The following ERC2 variants were observed in gnomAD, a reference collection of about 807,000 sequenced individuals.
The protein encoded by ERC2 is ELKS/RAB6-interacting/CAST family member 2, also known as ERC protein 2.
ERC2 carries 42 observed loss-of-function variants against 114.8 expected under a neutral mutation model. The observed-to-expected ratio is 0.37, with a 90% CI of 0.29 to 0.47. The LOEUF (loss-of-function observed/expected upper bound fraction) is 0.47. ERC2 is among the 20% of genes least tolerant of loss of function. The pLI, the probability that ERC2 is intolerant of heterozygous loss-of-function variation, is 0.99. For missense variants in ERC2, 939 were observed against 1,150.7 expected (o/e 0.82, Z 2.66); for synonymous variants, 454 against 425.5 (o/e 1.07, Z -0.82).
intron 17 of ERC2, among the ~76,000 whole-genome samples, chr3:55,581,743 T>C (rs2057272809): frequency 1.3e-5 from 2 of 152,172 alleles, no homozygotes; most frequent in South Asian, 4.1e-4. Context: ...GAAATTTCCA[T>C]GACCTCTTCC....
intron 17 of ERC2, among the ~76,000 whole-genome samples, chr3:55,593,906 C>A (rs2058018192): frequency 6.6e-6 from 1 of 152,164 alleles, no homozygotes; most frequent in African/African-American, 2.4e-5. Flanking sequence ...TCAAGTATTC[C>A]TCGACTCTCC....
rs539359467 is a variant in ERC2, at chr3:55,639,435, C to A, written c.*39+44359G>T. On this transcript the variant is annotated intron_variant, in intron 17 of 17. Transcript: ENST00000288221. ...AGACTGGGGACCAGGACATGAGCCA[C>A]AGAGAAGCCTGGGGAGCCTACAGGA... Among the ~76,000 whole-genome samples the A allele has an allele frequency of 1.2e-4, 18 of 152,218 alleles. No individual in the cohort carries two copies. In the South Asian group the frequency reaches 3.7e-3, roughly 32 times the overall value.
At chr3:55,964,092 T>C (rs1268160393) in intron 12 of ERC2, among the ~76,000 whole-genome samples, 1 of 152,246 alleles carries the variant, frequency 6.6e-6, no homozygotes, top group Admixed American at 6.5e-5. Context: ...TTTTAAAACA[T>C]TGTTAAGTAA....
chr3:55,949,339 C>T (rs2067338210), intron 13 of ERC2, among the ~76,000 whole-genome samples: 1 of 151,834 alleles, frequency 6.6e-6, no homozygotes, highest in African/African-American at 2.4e-5. Context: ...CACTGCTCTC[C>T]AGTCTGGGCG....
chr3:55,548,545 G>C (rs1351572203), intron 17 of ERC2, among the ~76,000 whole-genome samples: 1 of 152,142 alleles, frequency 6.6e-6, no homozygotes, highest in Non-Finnish European at 1.5e-5. Flanking sequence ...AGAAAACAAG[G>C]GCAGGGAAAA....
intron 3 of ERC2, among the ~76,000 whole-genome samples, chr3:56,256,052 ATC>A (rs1325167862): frequency 1.3e-5 from 2 of 152,338 alleles, no homozygotes; most frequent in South Asian, 4.1e-4. Flanking sequence ...AAGAAAAATC[ATC>A]TCTCTTTCCA....
chr3:56,016,881 AG>A (rs890993857), intron 8 of ERC2, among the ~76,000 whole-genome samples: 17 of 152,078 alleles, frequency 1.1e-4, no homozygotes, highest in Admixed American at 6.6e-4. Flanking sequence ...CAGAGTTTAT[AG>A]GCTACTGTAA....
At chr3:56,040,799 T>G (rs905738971) in intron 7 of ERC2, among the ~76,000 whole-genome samples, 46 of 134,444 alleles carry the variant, frequency 3.4e-4, no homozygotes, top group African/African-American at 7.5e-4. Flanking sequence ...TAGATATATA[T>G]AGAGAGATAC....
At chr3:56,214,700 C>A (rs1269890082) in intron 3 of ERC2, among the ~76,000 whole-genome samples, 29 of 151,876 alleles carry the variant, frequency 1.9e-4, no homozygotes, top group Admixed American at 2.0e-4. Flanking sequence ...GTCAGATTCA[C>A]CAAAGTTGAA....
At chr3:55,537,588 A>G (rs2054081610) in intron 17 of ERC2, among the ~76,000 whole-genome samples, 1 of 152,194 alleles carries the variant, frequency 6.6e-6, no homozygotes, top group Admixed American at 6.5e-5. Context: ...TAAATTAAAA[A>G]GCTCTCCCCG....
chr3:55,918,993 A>G (rs970310749), intron 13 of ERC2, among the ~76,000 whole-genome samples: 11 of 152,232 alleles, frequency 7.2e-5, no homozygotes, highest in African/African-American at 2.6e-4. Context: ...CTCAAAGAGA[A>G]ATGCTCAAGA....
intron 17 of ERC2, among the ~76,000 whole-genome samples, chr3:55,532,793 T>C (rs2053752104): frequency 1.3e-5 from 2 of 152,214 alleles, no homozygotes; most frequent in Non-Finnish European, 2.9e-5. Context: ...TGTGCTGTGT[T>C]CTCAGTTAAT....
At chr3:56,246,374 G>C (rs2051710446) in intron 3 of ERC2, among the ~76,000 whole-genome samples, 1 of 152,108 alleles carries the variant, frequency 6.6e-6, no homozygotes, top group Non-Finnish European at 1.5e-5. Flanking sequence ...CATCCACCTT[G>C]TGACAATCAA....
rs772444408 is a variant in ERC2, at chr3:56,191,089, G to C, written c.1075-17569C>G. Among the ~76,000 whole-genome samples the C allele has an allele frequency of 7.6e-4, 115 of 152,276 alleles. 1 individual carries two copies. Among genetic ancestry groups the C allele is most frequent in the Non-Finnish European group, 3.7e-4 (25 of 68,024 alleles). ...GGTCTCTTTAGCAAAATGTAACAGA[G>C]AGGCAACCTGAGCAGAAGGGCACAG... On this transcript the variant is annotated intron_variant, in intron 3 of 17. Transcript: ENST00000288221.
chr3:55,532,038 G>A (rs538153123), intron 17 of ERC2, among the ~76,000 whole-genome samples: 5 of 152,278 alleles, frequency 3.3e-5, no homozygotes, highest in East Asian at 3.9e-4. Context: ...CCAAGACTAC[G>A]CAAATAGAGC....
intron 2 of ERC2, among the ~76,000 whole-genome samples, chr3:56,380,122 G>A (rs2059693394): frequency 6.6e-6 from 1 of 151,810 alleles, no homozygotes; most frequent in Admixed American, 6.6e-5. Flanking sequence ...TATTCCCCTG[G>A]GAAGCAAAAT....
chr3:56,194,996 C>T (rs891068632), intron 3 of ERC2, among the ~76,000 whole-genome samples: 2 of 152,136 alleles, frequency 1.3e-5, no homozygotes, highest in African/African-American at 4.8e-5. Context: ...GTACCAAACC[C>T]TGTATATACT....
chr3:56,104,139 G>T (rs1330016035), intron 6 of ERC2, among the ~76,000 whole-genome samples: 1 of 152,024 alleles, frequency 6.6e-6, no homozygotes, highest in African/African-American at 2.4e-5. Context: ...ACTACAGACT[G>T]CTATGTCAAC....
rs1559587353 is a variant in ERC2 at position 55,518,624 on chromosome 3, C to T, written c.*40-7348G>A. On this transcript the variant is annotated intron_variant, in intron 17 of 17. Transcript: ENST00000288221. ...TAAACGTGTTTGGCATTAATGCAAA[C>T]ACAAAGTGGTCATTTGTTACAAATT... Among the ~76,000 whole-genome samples the T allele has an allele frequency of 2.6e-5, 4 of 152,030 alleles. No homozygotes were observed. The South Asian group carries it at 8.3e-4, about 32-fold the overall frequency.
Sources: allele counts gnomAD v4.1 joint callset (sites outside exome capture counted in the v4.1 genomes callset), GRCh38; gene constraint gnomAD v4.1.1; transcripts MANE v1.5; gene names NCBI Gene and HGNC (gene_info 2026-07-23, HGNC 2026-07-21).